INTS10: variants seen among roughly 807,000 people sequenced by gnomAD.
The protein encoded by INTS10 is integrator complex subunit 10.
INTS10 carries 44 observed loss-of-function variants against 94.4 expected under a neutral mutation model. The observed-to-expected ratio is 0.47, with a 90% confidence interval of 0.37 to 0.60. The LOEUF (loss-of-function observed/expected upper bound fraction) is 0.60. Among genes scored for constraint, INTS10 ranks in the 20% least tolerant of loss-of-function variants. The pLI, the probability that INTS10 is intolerant of heterozygous loss-of-function variation, is 0.00. For missense variants in INTS10, 797 were observed against 868.7 expected (o/e 0.92, Z 1.04); for synonymous variants, 341 against 320.7 (o/e 1.06, Z -0.68).
chr8:19,844,250 TC>T lies in INTS10; in HGVS notation c.1882+13del, dbSNP rs2068385748. The T allele has an allele frequency of 6.3e-7, 1 of 1,576,898 alleles. No individual in the cohort carries two copies. On this transcript the variant is annotated intron_variant, in intron 15 of 16. Transcript: ENST00000397977. The stretch of plus-strand genomic sequence containing the variant: ...CAATTACGTTACAAGTATCCTTTTT[TC>T]TTGTTTAAGCATAACACATTCTGAT...
At chr8:19,836,570 C>T (rs2067680106) in intron 12 of INTS10, among the ~76,000 whole-genome samples, 1 of 152,224 alleles carries the variant, frequency 6.6e-6, no homozygotes, top group South Asian at 2.1e-4. Flanking sequence ...CTCTTTAAGG[C>T]TTAGGTCAAG....
In INTS10 at chr8:19,851,745, G is replaced by A; in HGVS notation, c.2073G>A (p.Met691Ile). The A allele has an allele frequency of 6.2e-7, 1 of 1,614,108 alleles. No individual in the cohort carries two copies. Among genetic ancestry groups the A allele is most frequent in the East Asian group, 2.2e-5 (1 of 44,878 alleles). Residue 691 changes from methionine (M) to isoleucine (I), a missense_variant, in exon 17 of 17, where the codon ATG becomes ATA. Met to Ile is a conservative substitution (Grantham distance 10, BLOSUM62 1). This residue lies in a region of INTS10 where 47 missense variants were observed against 41.8 expected (regional missense o/e 1.12). Coordinates refer to ENST00000397977, the MANE Select transcript of INTS10 (RefSeq NM_018142.4). The surrounding 1 kb of genome is among the most constrained non-coding windows in gnomAD (Gnocchi z 5.0). The stretch of plus-strand genomic sequence containing the variant: ...TCTCCCGCTGTGGAGAGAATCTGAT[G>A]GTGGTTCTGCACAGGTTCTGCATTA... ...RQVSRCGENL[M>I]VVLHRFCINE... is the part of the protein sequence containing the mutation.
intron 5 of INTS10, among the ~76,000 whole-genome samples, chr8:19,823,070 A>C (rs1372669604): frequency 6.6e-6 from 1 of 152,190 alleles, no homozygotes. Flanking sequence ...ATCTGAATTC[A>C]ATGGAAGAAC....
chr8:19,818,876 C>CTCT (rs2066146851), intron 2 of INTS10: 1 of 152,640 alleles, frequency 6.6e-6, no homozygotes, highest in South Asian at 2.1e-4. Context: ...CGTAGACACT[C>CTCT]TCTTCTTGGT....
intron 6 of INTS10, 101 bp downstream of exon 6, chr8:19,823,542 C>A (rs1289521945): frequency 2.3e-6 from 2 of 859,020 alleles, no homozygotes; most frequent in Admixed American, 2.5e-5. Flanking sequence ...TGGATACTTA[C>A]CAGTTTGGGA....
Position 19,824,917 on chromosome 8 carries a change from C to T in INTS10, c.951C>T (p.Val317=). The stretch of plus-strand genomic sequence containing the variant: ...AAGTGGTGTATTCCACCATGCTGGT[C>T]TTCTTTAAGAATGCATTCCAGTATG... The part of the protein sequence containing the change: ...KNQVVYSTML[V]FFKNAFQYVN... Residue 317 remains valine (V), a synonymous_variant, in exon 8 of 17, where the codon GTC becomes GTT. Coordinates refer to ENST00000397977, the MANE Select transcript of INTS10 (RefSeq NM_018142.4). 1.2e-6 allele frequency: 2 copies of T among 1,613,766 alleles called. No homozygotes were observed. Among genetic ancestry groups the T allele is most frequent in the Non-Finnish European group, 1.7e-6 (2 of 1,179,768 alleles).
At position 19,843,397 on chromosome 8, in the gene INTS10, G is replaced by A. The variant is rs2068299268; in HGVS notation, c.1719+470G>A. ...AGAACGCCAAGGCCCTTGGCTACAG[G>A]TAGAGCAGAGCCTTAGAGCAGGGAG... is the stretch of plus-strand genomic sequence containing the variant. On this transcript the variant is annotated intron_variant, in intron 14 of 16. Transcript: ENST00000397977. The surrounding 1 kb of genome is among the most constrained non-coding windows in gnomAD (Gnocchi z 4.7). Among the ~76,000 whole-genome samples the A allele has an allele frequency of 6.6e-6, 1 of 152,156 alleles. No individual in the cohort carries two copies. Among genetic ancestry groups the A allele is most frequent in the African/African-American group, 2.4e-5 (1 of 41,440 alleles).
intron 9 of INTS10, among the ~76,000 whole-genome samples, chr8:19,828,335 G>GC (rs1175093272): frequency 6.6e-6 from 1 of 151,940 alleles, no homozygotes; most frequent in Non-Finnish European, 1.5e-5. Flanking sequence ...ACTGGAGTTG[G>GC]GGGGTGGCCC....
intron 12 of INTS10, 123 bp downstream of exon 12, chr8:19,833,444 T>A: frequency 4.6e-6 from 3 of 647,220 alleles, no homozygotes; most frequent in Non-Finnish European, 6.8e-6. Flanking sequence ...TGCCTAGATT[T>A]ATTACTTAAT....
intron 13 of INTS10, among the ~76,000 whole-genome samples, chr8:19,837,669 A>G (rs548720001): frequency 6.6e-6 from 1 of 152,360 alleles, no homozygotes; most frequent in African/African-American, 2.4e-5. Flanking sequence ...GTGTTGCTTG[A>G]AAAATGAAAT....
Position 19,851,665 on chromosome 8 carries a change from C to T in INTS10, c.1993C>T (p.Arg665Ter). The T allele has an allele frequency of 1.2e-6, 2 of 1,614,188 alleles. No homozygotes were observed. The highest frequency in any genetic ancestry group is 8.5e-7 in the Non-Finnish European group (1 of 1,180,022). The change falls in exon 17 of 17, where the codon CGA becomes TGA. Residue 665 changes from arginine to a stop codon, truncating the protein, a stop_gained. Transcript: ENST00000397977. LOFTEE classifies it high-confidence loss of function. The surrounding 1 kb of genome is among the most constrained non-coding windows in gnomAD (Gnocchi z 5.0). ...TGACCTCAGGCACCACACTGTAACT[C>T]GAGGCATCACCAAAGGCGTGAAGGA... ...GMLIKHHTVT[R>*]GITKGVKEDF...
chr8:19,822,497 T>G lies in INTS10; in HGVS notation c.500T>G (p.Val167Gly). The G allele has an allele frequency of 6.2e-7, 1 of 1,608,394 alleles. No homozygotes were observed. The highest frequency in any genetic ancestry group is 2.2e-5 in the East Asian group (1 of 44,818). Residue 167 changes from valine to glycine, a missense_variant, in exon 5 of 17, where the codon GTG (valine) becomes GGG (glycine). By Grantham distance (109) the Val-to-Gly change is moderately radical (BLOSUM62 -3). Around this residue, in one of 3 missense-constraint regions of INTS10, gnomAD observed 734 missense variants for 787.8 expected, o/e 0.93. Coordinates refer to ENST00000397977, the MANE Select transcript of INTS10 (RefSeq NM_018142.4). ...ACTATTGAAGAACAAGAATCTCCAG[T>G]GAACTGCTTTAGAAAATTATTTGGT... is the stretch of plus-strand genomic sequence containing the variant. Reference protein sequence around the residue: ...AETIEEQESPVNCFRKLFVCD... With the variant: ...AETIEEQESPGNCFRKLFVCD...
intron 12 of INTS10, 22 bp from the exon 13 acceptor site, chr8:19,837,029 CT>C: frequency 1.3e-6 from 2 of 1,482,852 alleles, no homozygotes; most frequent in Non-Finnish European, 1.9e-6. Context: ...AAGTTAGTTC[CT>C]TTTTGGTCTT....
intron 12 of INTS10, among the ~76,000 whole-genome samples, chr8:19,835,656 C>T (rs1170814418): frequency 3.3e-5 from 5 of 152,132 alleles, no homozygotes; most frequent in Admixed American, 6.6e-5. Context: ...GGTAGGTTAC[C>T]TCATCCAGGC....
intron 13 of INTS10, among the ~76,000 whole-genome samples, chr8:19,841,348 A>G (rs2068108100): frequency 6.6e-6 from 1 of 152,172 alleles, no homozygotes; most frequent in South Asian, 2.1e-4. Flanking sequence ...AATACCAACA[A>G]AGGCTGTTAC....
intron 13 of INTS10, among the ~76,000 whole-genome samples, chr8:19,837,707 A>G (rs2067771979): frequency 6.6e-6 from 1 of 152,262 alleles, no homozygotes; most frequent in African/African-American, 2.4e-5. Flanking sequence ...TTGTTAGAAA[A>G]AGATACATAA....
Position 19,839,064 on chromosome 8 carries a change from T to A in INTS10, c.1639+1904T>A, listed in dbSNP as rs549411833. 2.6e-4 allele frequency among the ~76,000 whole-genome samples: 39 copies of A among 151,428 alleles called. 1 individual carries two copies. The Middle Eastern group carries it at 0.034, about 133-fold the overall frequency. ...TCCAGCCTGGGCGACAGAGTGAGAC[T>A]CCGTTTCAAAAAAAAAACCAAACAA... is the stretch of plus-strand genomic sequence containing the variant. On this transcript the variant is annotated intron_variant, in intron 13 of 16. Coordinates refer to ENST00000397977, the MANE Select transcript of INTS10 (RefSeq NM_018142.4).
At chr8:19,835,436 A>G (rs1008505456) in intron 12 of INTS10, among the ~76,000 whole-genome samples, 6 of 152,236 alleles carry the variant, frequency 3.9e-5, no homozygotes, top group East Asian at 3.8e-4. Context: ...GGAAAAAAGT[A>G]TAAGTGTTTG....
At chr8:19,818,365 C>A (rs1563318733) in intron 2 of INTS10, 23 bp downstream of exon 2, 11 of 1,610,732 alleles carry the variant, frequency 6.8e-6, no homozygotes, top group Non-Finnish European at 9.3e-6. Flanking sequence ...CTTGACATCA[C>A]TTTTACTGCA....
Sources: allele counts gnomAD v4.1 joint callset (sites outside exome capture counted in the v4.1 genomes callset), GRCh38; gene constraint gnomAD v4.1.1; regional missense constraint gnomAD v4.1.1; non-coding constraint Gnocchi (gnomAD v3.1); transcripts MANE v1.5; gene names NCBI Gene and HGNC (gene_info 2026-07-23, HGNC 2026-07-21).